Variants in ANKS3 observed in about 807,000 individuals in gnomAD.
The protein encoded by ANKS3 is ankyrin repeat and sterile alpha motif domain containing 3.
In ANKS3, 62 loss-of-function variants were observed where a neutral mutation model predicts 80.7. The observed-to-expected ratio is 0.77, with a 90% CI of 0.63 to 0.95. ANKS3 has a LOEUF of 0.95. ANKS3 is among the 40% of genes least tolerant of loss of function. The pLI, the probability that ANKS3 is intolerant of heterozygous loss-of-function variation, is 0.00. For missense variants in ANKS3, 1,150 were observed against 883.6 expected, an observed-to-expected ratio of 1.30 and a Z score of -3.82; for synonymous variants, 489 against 355.3, an observed-to-expected ratio of 1.38 and a Z score of -4.23.
chr16:4,714,331 GGCAGGCTTGTCTGCACC>G (rs1567378810), intron 6 of ANKS3, 145 bp from the exon 7 acceptor site: 1 of 1,251,508 alleles, frequency 8.0e-7, no homozygotes, highest in Non-Finnish European at 1.1e-6. Context: ...ATGAGAAAGA[GGCAGGCTTGTCTGCACC>G]GCAGCCACAA....
At chr16:4,710,446 G>A (rs867781883) in intron 7 of ANKS3, among the ~76,000 whole-genome samples, 2 of 152,178 alleles carry the variant, frequency 1.3e-5, no homozygotes, top group Non-Finnish European at 1.5e-5. Context: ...AGTAGCTCAT[G>A]CCTGTAGTCC....
Position 4,712,376 on chromosome 16 carries a change from T to C in ANKS3, c.709+1675A>G, listed in dbSNP as rs570586855. ...GCCTGGGCAACAGAGCAAGACTCCA[T>C]TTCAAAAACAAAAAAAAAGAAGAAA... On this transcript the variant is annotated intron_variant, in intron 7 of 17. Transcript: ENST00000304283. Among the ~76,000 whole-genome samples, 36 of 152,104 alleles carry C rather than the reference T, an allele frequency of 2.4e-4. 1 individual carries two copies. Among genetic ancestry groups the C allele is most frequent in the African/African-American group, 7.7e-4 (32 of 41,462 alleles).
At chr16:4,697,869 G>A (rs1323517479) in intron 15 of ANKS3, 108 bp downstream of exon 15, 4 of 1,054,164 alleles carry the variant, frequency 3.8e-6, no homozygotes, top group Admixed American at 6.3e-5. Flanking sequence ...GGACCTGGGA[G>A]AGTGGCTGCC....
intron 11 of ANKS3, 136 bp downstream of exon 11, chr16:4,700,834 C>T: frequency 1.7e-6 from 2 of 1,179,048 alleles, no homozygotes; most frequent in Non-Finnish European, 2.5e-6. Context: ...CCTGTGGAGC[C>T]TAACAGGCCA....
At chr16:4,717,860 A>G (rs1382548910) in intron 6 of ANKS3, among the ~76,000 whole-genome samples, 6 of 151,860 alleles carry the variant, frequency 4.0e-5, no homozygotes, top group African/African-American at 1.5e-4. Context: ...CAATGGCGCA[A>G]TCTCGGCTCA....
At chr16:4,721,048 G>A (rs2081064349) in intron 6 of ANKS3, among the ~76,000 whole-genome samples, 1 of 150,320 alleles carries the variant, frequency 6.7e-6, no homozygotes, top group South Asian at 2.1e-4. Flanking sequence ...GCTCACGCCT[G>A]TAATCCCAGC....
At chr16:4,731,699 G>A (rs948852044) in intron 1 of ANKS3, 120 bp from the exon 2 acceptor site, 3 of 407,510 alleles carry the variant, frequency 7.4e-6, no homozygotes, top group Middle Eastern at 1.3e-3. Context: ...GACAAACCAG[G>A]ATGTGACTGG....
rs141185431 is a variant in ANKS3, at chr16:4,715,762, A to G, written c.574-1576T>C. The stretch of plus-strand genomic sequence containing the variant: ...TGATGGGGATTTTTCCAATTTTCCA[A>G]TCTTCTATGTTTTTAAAATGTACTA... On this transcript the variant is annotated intron_variant, in intron 6 of 17. Coordinates refer to ENST00000304283, the MANE Select transcript of ANKS3 (RefSeq NM_133450.4). Among the ~76,000 whole-genome samples, 411 of 151,514 alleles carry G rather than the reference A, an allele frequency of 2.7e-3. 4 individuals are homozygous for G. Among genetic ancestry groups the G allele is most frequent in the African/African-American group, 9.6e-3 (397 of 41,380 alleles).
intron 5 of ANKS3, among the ~76,000 whole-genome samples, chr16:4,726,111 G>A (rs1271174747): frequency 6.6e-6 from 1 of 151,688 alleles, no homozygotes; most frequent in Non-Finnish European, 1.5e-5. Context: ...GAGTAGCTGG[G>A]ACTACAGGCG....
At chr16:4,697,933 C>G in intron 15 of ANKS3, 44 bp downstream of exon 15, 4 of 1,463,708 alleles carry the variant, frequency 2.7e-6, no homozygotes, top group Non-Finnish European at 3.6e-6. Context: ...AGGGCTCCCC[C>G]ACCTTCCCCT....
In ANKS3 at chr16:4,710,519, G is replaced by A. The variant is rs537353043; in HGVS notation, c.709+3532C>T. The stretch of plus-strand genomic sequence containing the variant: ...GCTCAGGACTCTTGAGACCAGCCTG[G>A]TCAACATGGCAAAACCACCTCTCTA... On this transcript the variant is annotated intron_variant, in intron 7 of 17. Transcript: ENST00000304283. Among the ~76,000 whole-genome samples, 7 of 152,274 alleles carry A rather than the reference G, an allele frequency of 4.6e-5. No individual in the cohort carries two copies. The East Asian group carries it at 5.8e-4, about 13-fold the overall frequency.
At chr16:4,698,779 A>C in intron 13 of ANKS3, 21 bp downstream of exon 13, 1 of 1,582,802 alleles carries the variant, frequency 6.3e-7, no homozygotes, top group South Asian at 1.2e-5. Flanking sequence ...CTGCCCCCCC[A>C]TCCCCCACCC....
At chr16:4,699,629 C>T (rs1399439176) in intron 11 of ANKS3, 1 of 189,858 alleles carries the variant, frequency 5.3e-6, no homozygotes, top group Non-Finnish European at 1.1e-5. Context: ...TTCTGATCCA[C>T]TGAGATGGTC....
Position 4,699,153 on chromosome 16 carries a change from C to A in ANKS3, c.1308G>T (p.Gln436His). 6.2e-7 allele frequency: 1 copy of A among 1,614,092 alleles called. No homozygotes were observed. Among genetic ancestry groups the A allele is most frequent in the Non-Finnish European group, 8.5e-7 (1 of 1,180,026 alleles). The change falls in exon 12 of 18, where the codon CAG (glutamine) becomes CAT (histidine). Residue 436 changes from glutamine to histidine, a missense_variant. By Grantham distance (24) the Gln-to-His change is conservative (BLOSUM62 0). Transcript: ENST00000304283. The part of the protein sequence containing the change: ...GPQDLAALLE[Q>H]IGCLKYLQVF... ...CCTGCAGGTACTTCAGACACCCGAT[C>A]TGCTCCAGCAGTGCGGCAAGGTCCT...
Position 4,697,328 on chromosome 16 carries a change from C to G in ANKS3, c.1894+5G>C, listed in dbSNP as rs756820765. 6.2e-7 allele frequency: 1 copy of G among 1,600,466 alleles called. No homozygotes were observed. The highest frequency in any genetic ancestry group is 8.5e-7 in the Non-Finnish European group (1 of 1,172,216). On this transcript the variant is annotated splice_donor_5th_base_variant and intron_variant, in intron 16 of 17. Coordinates refer to ENST00000304283, the MANE Select transcript of ANKS3 (RefSeq NM_133450.4). ...CGCTCAGTCGTCTGGTCCCCGGAGA[C>G]TCACCCATCTCACGGACACGGTCCT...
In ANKS3 at chr16:4,724,737, C is replaced by G. The variant is rs779702527; in HGVS notation, c.573+13G>C. 5.0e-6 allele frequency: 8 copies of G among 1,610,878 alleles called. No individual in the cohort carries two copies. The Admixed American group carries it at 5.0e-5, about 10-fold the overall frequency. On this transcript the variant is annotated intron_variant, in intron 6 of 17. Coordinates refer to ENST00000304283, the MANE Select transcript of ANKS3 (RefSeq NM_133450.4). Reference sequence around the variant, plus strand: ...CGTGACTACATTACATGCTAATAATCAGGGTCACTTACGTGATTCAGAAAA... The same window carrying G: ...CGTGACTACATTACATGCTAATAATGAGGGTCACTTACGTGATTCAGAAAA...
intron 9 of ANKS3, 161 bp from the exon 10 acceptor site, chr16:4,701,704 A>G: frequency 1.7e-6 from 1 of 586,400 alleles, no homozygotes; most frequent in Admixed American, 3.2e-5. Context: ...CCTCCCCTCT[A>G]TACAGACGGG....
In ANKS3 at chr16:4,701,118, C is replaced by T. The variant is rs778332227; in HGVS notation, c.1136G>A (p.Cys379Tyr). The T allele has an allele frequency of 6.2e-7, 1 of 1,613,976 alleles. No individual in the cohort carries two copies. The highest frequency in any genetic ancestry group is 1.1e-5 in the South Asian group (1 of 91,088). ...VESNEDSDHA[C>Y]KSSARKQAKS... ...AGCTTGTTTGCGAGCTGAGCTTTTACAGGCATGATCCGAGTCCTGCAGTGA... is the reference window on the plus strand; with the variant it reads ...AGCTTGTTTGCGAGCTGAGCTTTTATAGGCATGATCCGAGTCCTGCAGTGA... Residue 379 changes from cysteine to tyrosine, a missense_variant, in exon 11 of 18, where the codon TGT (cysteine) becomes TAT (tyrosine). Transcript: ENST00000304283.
intron 6 of ANKS3, 129 bp downstream of exon 6, chr16:4,724,621 A>T: frequency 1.1e-6 from 1 of 906,212 alleles, no homozygotes; most frequent in Non-Finnish European, 1.7e-6. Flanking sequence ...ATAGATAATG[A>T]AAATGTGTTG....
Sources: gnomAD v4.1 joint callset for allele counts (sites outside exome capture counted in the v4.1 genomes callset) on GRCh38, gnomAD v4.1.1 for gene constraint, MANE v1.5 for transcripts, NCBI Gene and HGNC (gene_info 2026-07-23, HGNC 2026-07-21) for gene names.